Variants in CAPN1 observed in about 807,000 individuals in gnomAD.
CAPN1 encodes calpain 1.
A neutral mutation model predicts 105.2 loss-of-function variants in CAPN1; 77 were observed. That is an observed-to-expected ratio of 0.73 (90% CI 0.61 to 0.88). The LOEUF (loss-of-function observed/expected upper bound fraction) is 0.88, where lower values mean the gene tolerates loss of function less well. CAPN1 is among the 40% of genes least tolerant of loss of function. The probability of loss-of-function intolerance (pLI) is 0.00; values close to 1 mark genes in which losing one functional copy is unlikely to be tolerated. For synonymous variants in CAPN1, 355 were observed against 388.8 expected, an observed-to-expected ratio of 0.91 and a Z score of 1.02; for missense variants, 833 against 976.6, an observed-to-expected ratio of 0.85 and a Z score of 1.96.
At position 65,208,219 on chromosome 11, in the gene CAPN1, C is replaced by T. The variant is rs553788153; in HGVS notation, c.1686C>T (p.Ser562=). ...RQLAGEDMEI[S]VKELRTILNR... Reference sequence around the variant, plus strand: ...TCTCTCCCCAGGACATGGAGATCAGCGTGAAGGAGTTGCGGACAATCCTCA... The same window carrying T: ...TCTCTCCCCAGGACATGGAGATCAGTGTGAAGGAGTTGCGGACAATCCTCA... Residue 562 remains serine, a synonymous_variant, in exon 16 of 22, where the codon AGC becomes AGT. Coordinates refer to ENST00000279247, the MANE Select transcript of CAPN1 (RefSeq NM_005186.4). This position sits in a 1 kb window ranked among gnomAD's most constrained non-coding sequence, Gnocchi z 4.1. 25 of 1,579,508 alleles carry T rather than the reference C, an allele frequency of 1.6e-5. No homozygotes were observed. The South Asian group carries it at 2.2e-4, about 14-fold the overall frequency.
Position 65,209,619 on chromosome 11 carries a change from A to G in CAPN1, c.1795-230A>G, listed in dbSNP as rs1170384687. On this transcript the variant is annotated intron_variant, in intron 17 of 21. Transcript: ENST00000279247. The surrounding 1 kb of genome is among the most constrained non-coding windows in gnomAD (Gnocchi z 4.1). The stretch of plus-strand genomic sequence containing the variant: ...TGGAGCAAGACCTGGGTCCCCATTG[A>G]CCCTGAGGCTGGTGCTATTTCTGAC... 11 of 634,242 alleles carry G rather than the reference A, an allele frequency of 1.7e-5. No homozygotes were observed. The highest frequency in any genetic ancestry group is 3.1e-5 in the Non-Finnish European group (11 of 355,326). The allele number at this position is 634,242 out of a possible 1,614,324, so 39.3% of individuals were successfully genotyped here.
chr11:65,189,329 C>T (rs1018048746), intron 10 of CAPN1, among the ~76,000 whole-genome samples: 3 of 152,176 alleles, frequency 2.0e-5, no homozygotes, highest in Admixed American at 1.3e-4. Flanking sequence ...TCCCTTCTTG[C>T]CTTCTCTTGC....
At chr11:65,206,048 TAGAC>T (rs1328193248) in intron 12 of CAPN1, 3 of 518,824 alleles carry the variant, frequency 5.8e-6, no homozygotes, top group Non-Finnish European at 1.0e-5. Flanking sequence ...AGCAGGGCAT[TAGAC>T]AGGCTGAGAG....
rs2137325333 is a variant in CAPN1, at chr11:65,188,227, C to T, written c.929+187C>T. 1 of 682,528 alleles carries T rather than the reference C, an allele frequency of 1.5e-6. No homozygotes were observed. The highest frequency in any genetic ancestry group is 2.7e-5 in the East Asian group (1 of 36,866). The allele number at this position is 682,528 out of a possible 1,614,324, so 42.3% of individuals were successfully genotyped here. On this transcript the variant is annotated intron_variant, in intron 8 of 21. Coordinates refer to ENST00000279247, the MANE Select transcript of CAPN1 (RefSeq NM_005186.4). This position sits in a 1 kb window ranked among gnomAD's most constrained non-coding sequence, Gnocchi z 5.5. ...CGTGCGGGCCCCTGTGCCCAGCCGT[C>T]GGGTGTGTGCAGGGCATCAGACTGG...
Position 65,210,809 on chromosome 11 carries a change from C to T in CAPN1, c.2060-5C>T, listed in dbSNP as rs1949037112. ...GCCCTGTATCACCTTTTCTTGAACA[C>T]ACAGGATTTTTCAAAACTCTGGACA... On this transcript the variant is annotated splice_region_variant and splice_polypyrimidine_tract_variant and intron_variant, in intron 20 of 21. Coordinates refer to ENST00000279247, the MANE Select transcript of CAPN1 (RefSeq NM_005186.4). The surrounding 1 kb of genome is among the most constrained non-coding windows in gnomAD (Gnocchi z 4.3). The T allele has an allele frequency of 6.2e-7, 1 of 1,612,972 alleles. No homozygotes were observed. Among genetic ancestry groups the T allele is most frequent in the Non-Finnish European group, 8.5e-7 (1 of 1,179,032 alleles).
chr11:65,183,572 G>A lies in CAPN1; in HGVS notation c.436G>A (p.Ala146Thr), dbSNP rs776820546. The A allele has an allele frequency of 5.0e-6, 8 of 1,613,356 alleles. No individual in the cohort carries two copies. The highest frequency in any genetic ancestry group is 6.8e-6 in the Non-Finnish European group (8 of 1,179,300). ...PHGQSFQNGY[A>T]GIFHFQLWQF... The stretch of plus-strand genomic sequence containing the variant: ...CGGCCAGAGCTTCCAGAATGGCTAT[G>A]CCGGCATCTTCCATTTCCAGGTGAG... Residue 146 changes from alanine to threonine, a missense_variant, in exon 4 of 22, where the codon GCC (alanine) becomes ACC (threonine). Coordinates refer to ENST00000279247, the MANE Select transcript of CAPN1 (RefSeq NM_005186.4).
chr11:65,205,322 C>T (rs1948939928), intron 11 of CAPN1, among the ~76,000 whole-genome samples: 1 of 152,214 alleles, frequency 6.6e-6, no homozygotes, highest in Non-Finnish European at 1.5e-5. Flanking sequence ...TCACACACTG[C>T]CCTCAAGACA....
At chr11:65,183,019 G>A in intron 2 of CAPN1, 51 bp downstream of exon 2, 2 of 1,611,238 alleles carry the variant, frequency 1.2e-6, no homozygotes, top group Non-Finnish European at 1.7e-6. Context: ...TCCTGGATGA[G>A]GAGTAGGGAT....
At chr11:65,207,381 G>T (rs1948977315) in intron 14 of CAPN1, among the ~76,000 whole-genome samples, 2 of 151,326 alleles carry the variant, frequency 1.3e-5, no homozygotes, top group South Asian at 4.2e-4. Flanking sequence ...TGTATTTTTA[G>T]TAGAGACGGG....
intron 10 of CAPN1, among the ~76,000 whole-genome samples, chr11:65,189,526 C>T (rs942122095): frequency 6.6e-6 from 1 of 152,236 alleles, no homozygotes; most frequent in Non-Finnish European, 1.5e-5. Context: ...TCTTTCCACT[C>T]CCTTAGTCTT....
rs1176620493 is a variant in CAPN1 at position 65,211,337 on chromosome 11, A to AGCCTC, written c.*57_*61dup. 4.4e-6 allele frequency: 7 copies of AGCCTC among 1,589,662 alleles called. No homozygotes were observed. Among genetic ancestry groups the AGCCTC allele is most frequent in the Non-Finnish European group, 4.3e-6 (5 of 1,164,250 alleles). ...TGCTCCCCTCCCTCCTCGTCTGCCA[A>AGCCTC]GCCTCGCCTCCTACCACACCACACC... On this transcript the variant is annotated 3_prime_UTR_variant, in exon 22 of 22. Transcript: ENST00000279247.
In CAPN1 at chr11:65,204,672, C is replaced by T. The variant is rs370040225; in HGVS notation, c.1166-11C>T. On this transcript the variant is annotated splice_polypyrimidine_tract_variant and intron_variant, in intron 10 of 21. Coordinates refer to ENST00000279247, the MANE Select transcript of CAPN1 (RefSeq NM_005186.4). ...CCTGCCTCTGATCCCCGCCTCCTCACCTGCCCGCAGCCACCTTCTGGGTGA... is the reference window on the plus strand; with the variant it reads ...CCTGCCTCTGATCCCCGCCTCCTCATCTGCCCGCAGCCACCTTCTGGGTGA... 68 of 1,604,020 alleles carry T rather than the reference C, an allele frequency of 4.2e-5. No homozygotes were observed. The highest frequency in any genetic ancestry group is 5.0e-5 in the Non-Finnish European group (59 of 1,172,444).
chr11:65,206,608 C>T lies in CAPN1; in HGVS notation c.1499C>T (p.Thr500Ile), dbSNP rs1948963684. Residue 500 changes from threonine to isoleucine, a missense_variant, in exon 13 of 22, where the codon ACC becomes ATC. Coordinates refer to ENST00000279247, the MANE Select transcript of CAPN1 (RefSeq NM_005186.4). The part of the protein sequence containing the change: ...PPGEYVVVPS[T>I]FEPNKEGDFV... ...GGGGAGTATGTGGTGGTGCCCTCCACCTTCGAGCCCAACAAGGAGGGCGAC... is the reference window on the plus strand; with the variant it reads ...GGGGAGTATGTGGTGGTGCCCTCCATCTTCGAGCCCAACAAGGAGGGCGAC... The T allele has an allele frequency of 6.2e-7, 1 of 1,613,462 alleles. No individual in the cohort carries two copies. The highest frequency in any genetic ancestry group is 8.5e-7 in the Non-Finnish European group (1 of 1,179,884).
chr11:65,198,814 C>T (rs1158603512), intron 10 of CAPN1, among the ~76,000 whole-genome samples: 1 of 152,164 alleles, frequency 6.6e-6, no homozygotes, highest in African/African-American at 2.4e-5. Context: ...CACATGCCAC[C>T]ATGCCCAGAT....
chr11:65,209,940 A>G lies in CAPN1; in HGVS notation c.1863+23A>G, dbSNP rs1949019541. On this transcript the variant is annotated intron_variant, in intron 18 of 21. Coordinates refer to ENST00000279247, the MANE Select transcript of CAPN1 (RefSeq NM_005186.4). The surrounding 1 kb of genome is among the most constrained non-coding windows in gnomAD (Gnocchi z 4.1). The stretch of plus-strand genomic sequence containing the variant: ...CTGGTAGGTTGTCCCCACTCACCTC[A>G]GTCATGCAGGTGCGGGCCGGGCAGG... 1.9e-6 allele frequency: 3 copies of G among 1,612,438 alleles called. No homozygotes were observed. Among genetic ancestry groups the G allele is most frequent in the Non-Finnish European group, 2.5e-6 (3 of 1,178,874 alleles).
rs763295203 is a variant in CAPN1, at chr11:65,182,969, G to A, written c.267+1G>A. The A allele has an allele frequency of 8.1e-6, 13 of 1,613,446 alleles. No homozygotes were observed. The highest frequency in any genetic ancestry group is 1.1e-5 in the Non-Finnish European group (13 of 1,179,716). On this transcript the variant is annotated splice_donor_variant, in intron 2 of 21. Transcript: ENST00000279247. LOFTEE classifies it high-confidence loss of function. ...TGGCATCAAGTGGAAGCGTCCCACG[G>A]TGAGAGGGGCCATCCTGGGTGGGAC...
Position 65,206,818 on chromosome 11 carries a change from AG to A in CAPN1, c.1605+1del, listed in dbSNP as rs1319339027. ...DDQIQANLPD[E>X]QVLSEEEIDE... ...CAGATCCAGGCCAATCTCCCCGATG[AG>A]GTGCGTGGTCCCACCCCACCAGGCC... On this transcript the variant is annotated frameshift_variant and splice_region_variant, in exon 14 of 22. Transcript: ENST00000279247. LOFTEE classifies it high-confidence loss of function. 1 of 1,611,690 alleles carries A rather than the reference AG, an allele frequency of 6.2e-7. No individual in the cohort carries two copies. The highest frequency in any genetic ancestry group is 8.5e-7 in the Non-Finnish European group (1 of 1,179,106).
At chr11:65,183,234 C>T in intron 3 of CAPN1, 37 bp downstream of exon 3, 1 of 1,581,362 alleles carries the variant, frequency 6.3e-7, no homozygotes, top group Non-Finnish European at 8.7e-7. Context: ...GGTATTTTTT[C>T]CACAGTAGTT....
Position 65,210,063 on chromosome 11 carries a change from G to A in CAPN1, c.1909G>A (p.Ala637Thr), listed in dbSNP as rs376453211. ...FDLDKSGSMSAYEMRMAIESA... is the reference protein window; with the variant it reads ...FDLDKSGSMSTYEMRMAIESA... Reference sequence around the variant, plus strand: ...CCTGGACAAGTCGGGCAGCATGAGTGCCTACGAGATGCGGATGGCCATTGA... The same window carrying A: ...CCTGGACAAGTCGGGCAGCATGAGTACCTACGAGATGCGGATGGCCATTGA... Residue 637 changes from alanine (A) to threonine (T), a missense_variant, in exon 19 of 22, where the codon GCC becomes ACC. Ala to Thr is a moderately conservative substitution (Grantham distance 58). Transcript: ENST00000279247. This position sits in a 1 kb window ranked among gnomAD's most constrained non-coding sequence, Gnocchi z 4.3. 21 of 1,612,844 alleles carry A rather than the reference G, an allele frequency of 1.3e-5. No homozygotes were observed. Among genetic ancestry groups the A allele is most frequent in the Non-Finnish European group, 2.5e-6 (3 of 1,179,850 alleles).
Sources: allele counts gnomAD v4.1 joint callset (sites outside exome capture counted in the v4.1 genomes callset), GRCh38; gene constraint gnomAD v4.1.1; non-coding constraint Gnocchi (gnomAD v3.1); transcripts MANE v1.5; gene names NCBI Gene and HGNC (gene_info 2026-07-23, HGNC 2026-07-21).